MSR1: variants seen among roughly 807,000 people sequenced by gnomAD.
MSR1 encodes the protein macrophage scavenger receptor types I and II.
A neutral mutation model predicts 47.2 loss-of-function variants in MSR1; 53 were observed. The observed-to-expected ratio is 1.12, with a 90% CI of 0.90 to 1.41. The LOEUF (loss-of-function observed/expected upper bound fraction) is 1.41. MSR1 is among the 40% of genes most tolerant of loss of function. The pLI, the probability that MSR1 is intolerant of heterozygous loss-of-function variation, is 0.00. For synonymous variants in MSR1, 239 were observed against 185.6 expected (o/e 1.29, Z -2.34); for missense variants, 786 against 546.9 (o/e 1.44, Z -4.36).
intron 8 of MSR1, among the ~76,000 whole-genome samples, chr8:16,134,296 A>T (rs972330294): frequency 5.9e-5 from 9 of 152,120 alleles, no homozygotes; most frequent in Admixed American, 3.3e-4. Flanking sequence ...CAGACATGTT[A>T]TAATAAGCTA....
chr8:16,178,573 A>G (rs1801730204), intron 1 of MSR1, among the ~76,000 whole-genome samples: 2 of 152,146 alleles, frequency 1.3e-5, no homozygotes, highest in East Asian at 3.9e-4. Flanking sequence ...ATATGTGTGC[A>G]TGTGTCTTTA....
chr8:16,141,810 T>A (rs921213650), intron 8 of MSR1, among the ~76,000 whole-genome samples: 6 of 152,050 alleles, frequency 3.9e-5, no homozygotes, highest in Non-Finnish European at 8.8e-5. Context: ...GGGTGCTGTT[T>A]GCAGTGTAAA....
intron 8 of MSR1, chr8:16,140,012 G>T: frequency 1.4e-6 from 1 of 698,702 alleles, no homozygotes; most frequent in Non-Finnish European, 1.8e-6. Flanking sequence ...AATTAGCTCT[G>T]TAAAACCAGA....
intron 1 of MSR1, among the ~76,000 whole-genome samples, chr8:16,184,423 TAAAC>T (rs1025233308): frequency 3.3e-5 from 5 of 152,152 alleles, no homozygotes; most frequent in African/African-American, 1.2e-4. Flanking sequence ...AATGGTATTT[TAAAC>T]AAACAGACTA....
intron 8 of MSR1, among the ~76,000 whole-genome samples, chr8:16,135,747 T>C (rs1800373436): frequency 6.6e-6 from 1 of 152,176 alleles, no homozygotes; most frequent in Admixed American, 6.5e-5. Context: ...GGCATTAAAA[T>C]AATTTATAAT....
chr8:16,123,534 T>C (rs199511622), intron 8 of MSR1, among the ~76,000 whole-genome samples: 1 of 143,462 alleles, frequency 7.0e-6, no homozygotes, highest in Non-Finnish European at 1.5e-5. Flanking sequence ...TTTTTTTTTT[T>C]CCATTTGGGT....
At chr8:16,177,836 C>T (rs1370609945) in intron 2 of MSR1, 50 bp downstream of exon 2, 4 of 1,435,680 alleles carry the variant, frequency 2.8e-6, no homozygotes, top group African/African-American at 1.4e-5. Flanking sequence ...TATATTTTGT[C>T]AATAACTCTA....
intron 8 of MSR1, chr8:16,139,444 G>C: frequency 2.1e-6 from 2 of 971,310 alleles, no homozygotes; most frequent in Non-Finnish European, 2.4e-6. Context: ...GAATAAAAAT[G>C]CTGAGATACA....
chr8:16,114,776 C>T (rs182393005), intron 9 of MSR1, among the ~76,000 whole-genome samples: 12 of 152,132 alleles, frequency 7.9e-5, no homozygotes, highest in Admixed American at 3.9e-4. Flanking sequence ...ACTAAGGATT[C>T]TATCTGCTAA....
chr8:16,168,801 C>T lies in MSR1; in HGVS notation c.287G>A (p.Ser96Asn), dbSNP rs754424515. The T allele has an allele frequency of 7.4e-6, 12 of 1,613,884 alleles. No individual in the cohort carries two copies. The highest frequency in any genetic ancestry group is 1.0e-5 in the Non-Finnish European group (12 of 1,179,996). Reference protein sequence around the residue: ...SSTNANDITQSLTGKGNDSEE... With the variant: ...SSTNANDITQNLTGKGNDSEE... ...GCTGTCATTTCCTTTTCCCGTGAGA[C>T]TTTGAGTTATATCATTTGCATTAGT... The change falls in exon 4 of 10, where the codon AGT becomes AAT. Residue 96 changes from serine to asparagine, a missense_variant. Coordinates refer to ENST00000262101, the MANE Select transcript of MSR1 (RefSeq NM_138715.3).
In MSR1 at chr8:16,155,148, T is replaced by G. The variant is rs749148622; in HGVS notation, c.818-4A>C. ...TCACCCGGGGGTCCAGGAGGACCTT[T>G]AAAAAAATTACAGTTACTGATCATA... is the stretch of plus-strand genomic sequence containing the variant. On this transcript the variant is annotated splice_region_variant and splice_polypyrimidine_tract_variant and intron_variant, in intron 5 of 9. Transcript: ENST00000262101. The G allele has an allele frequency of 6.2e-7, 1 of 1,608,140 alleles. No homozygotes were observed. The highest frequency in any genetic ancestry group is 1.7e-5 in the Admixed American group (1 of 59,650).
At chr8:16,140,736 G>A in intron 8 of MSR1, 3 of 1,414,394 alleles carry the variant, frequency 2.1e-6, no homozygotes, top group Non-Finnish European at 2.8e-6. Flanking sequence ...GTGCATGAGA[G>A]GTGTCCAGGC....
chr8:16,161,858 T>G (rs561276605), intron 5 of MSR1, among the ~76,000 whole-genome samples: 46 of 152,122 alleles, frequency 3.0e-4, no homozygotes, highest in Non-Finnish European at 4.6e-4. Flanking sequence ...TGAAATGAAG[T>G]CACATGAAGT....
At chr8:16,115,247 C>T (rs978719128) in intron 9 of MSR1, among the ~76,000 whole-genome samples, 1 of 152,168 alleles carries the variant, frequency 6.6e-6, no homozygotes, top group African/African-American at 2.4e-5. Context: ...GAACCTGATT[C>T]TTCTCACTTT....
rs1382932582 is a variant in MSR1, at chr8:16,169,004, T to C, written c.218-134A>G. ...ATTTTGAATGCTAGGCTAAATCGAG[T>C]ATTTTTTTTTAATCTACAACGTGTG... On this transcript the variant is annotated intron_variant, in intron 3 of 9. Coordinates refer to ENST00000262101, the MANE Select transcript of MSR1 (RefSeq NM_138715.3). 6.9e-6 allele frequency: 6 copies of C among 871,294 alleles called. No homozygotes were observed. In the Admixed American group the frequency reaches 1.5e-4, roughly 21 times the overall value. 54.0% of individuals were successfully genotyped at this position (871,294 alleles called of 1,614,324 possible).
chr8:16,174,251 T>G (rs535647631), intron 3 of MSR1, among the ~76,000 whole-genome samples: 1 of 128,910 alleles, frequency 7.8e-6, no homozygotes, highest in East Asian at 2.3e-4. Flanking sequence ...TTTAGGAACT[T>G]TTTTGTTGTT....
At chr8:16,123,913 A>T (rs1218394738) in intron 8 of MSR1, among the ~76,000 whole-genome samples, 1 of 152,000 alleles carries the variant, frequency 6.6e-6, no homozygotes, top group African/African-American at 2.4e-5. Context: ...AGGTTGCTTT[A>T]TTATTCTTTT....
At chr8:16,144,838 A>T (rs746600652) in intron 7 of MSR1, among the ~76,000 whole-genome samples, 1 of 151,928 alleles carries the variant, frequency 6.6e-6, no homozygotes, top group Admixed American at 6.6e-5. Context: ...TGAGAGAAAA[A>T]CTTTTTCATC....
At chr8:16,143,452 G>C in intron 8 of MSR1, 106 bp downstream of exon 8, 1 of 910,278 alleles carries the variant, frequency 1.1e-6, no homozygotes, top group Non-Finnish European at 1.8e-6. Context: ...GAGTCTGTAT[G>C]GATCTGTGCT....
Sources: allele counts gnomAD v4.1 joint callset (sites outside exome capture counted in the v4.1 genomes callset), GRCh38; gene constraint gnomAD v4.1.1; transcripts MANE v1.5; gene names NCBI Gene and HGNC (gene_info 2026-07-23, HGNC 2026-07-21).